EXOC4: variants seen among roughly 807,000 people sequenced by gnomAD.
The protein encoded by EXOC4 is SEC8-like 1.
A neutral mutation model predicts 107.2 loss-of-function variants in EXOC4; 71 were observed. The observed-to-expected ratio is 0.66, with a 90% CI of 0.55 to 0.81. The LOEUF is 0.81. EXOC4 is among the 30% of genes least tolerant of loss of function. The pLI is 0.00. For synonymous variants in EXOC4, 456 were observed against 441.2 expected, an observed-to-expected ratio of 1.03 and a Z score of -0.42; for missense variants, 1,108 against 1,189.6, an observed-to-expected ratio of 0.93 and a Z score of 1.01.
At chr7:134,033,197 A>C (rs1041337609) in intron 17 of EXOC4, among the ~76,000 whole-genome samples, 1 of 152,194 alleles carries the variant, frequency 6.6e-6, no homozygotes, top group Non-Finnish European at 1.5e-5. Context: ...AAAAAATGTC[A>C]GAGTGCCAAG....
chr7:133,679,155 T>C (rs10233241), intron 10 of EXOC4, among the ~76,000 whole-genome samples: 2,395 of 152,302 alleles, frequency 0.016, 69 homozygotes, highest in African/African-American at 0.054. Context: ...AAGTTTACAG[T>C]TGCTATTCAT....
intron 10 of EXOC4, among the ~76,000 whole-genome samples, chr7:133,777,562 T>G (rs1796372786): frequency 6.6e-6 from 1 of 152,158 alleles, no homozygotes; most frequent in Admixed American, 6.5e-5. Flanking sequence ...GACAGTGTTA[T>G]GATTATTGGT....
chr7:133,443,911 G>T (rs1333682747), intron 7 of EXOC4, among the ~76,000 whole-genome samples: 1 of 152,208 alleles, frequency 6.6e-6, no homozygotes, highest in Non-Finnish European at 1.5e-5. Flanking sequence ...AAAGCTTGGA[G>T]TGTGGCCTTT....
chr7:133,525,629 C>T (rs1173789330), intron 9 of EXOC4, among the ~76,000 whole-genome samples: 1 of 152,046 alleles, frequency 6.6e-6, no homozygotes, highest in East Asian at 1.9e-4. Context: ...AGGAAACCCA[C>T]TATATTGAAA....
At chr7:133,821,179 G>A (rs1201419795) in intron 11 of EXOC4, among the ~76,000 whole-genome samples, 1 of 152,186 alleles carries the variant, frequency 6.6e-6, no homozygotes, top group Non-Finnish European at 1.5e-5. Flanking sequence ...CATTTACTGT[G>A]AGTCAGACAC....
intron 2 of EXOC4, among the ~76,000 whole-genome samples, chr7:133,277,286 G>A (rs1794018636): frequency 6.6e-6 from 1 of 152,218 alleles, no homozygotes; most frequent in Non-Finnish European, 1.5e-5. Flanking sequence ...CTAAGCTCAA[G>A]AGGGGTCAAT....
intron 17 of EXOC4, among the ~76,000 whole-genome samples, chr7:134,022,137 C>G (rs924668598): frequency 3.3e-5 from 5 of 152,148 alleles, no homozygotes; most frequent in African/African-American, 1.2e-4. Flanking sequence ...TGTGGTAAAT[C>G]AGTCATTTGA....
intron 14 of EXOC4, among the ~76,000 whole-genome samples, chr7:133,945,457 G>C (rs559953959): frequency 2.0e-5 from 3 of 152,252 alleles, no homozygotes; most frequent in African/African-American, 7.2e-5. Context: ...ATGGAGATAC[G>C]GTACTTCGTG....
intron 7 of EXOC4, among the ~76,000 whole-genome samples, chr7:133,403,070 A>T (rs539184407): frequency 3.6e-4 from 54 of 151,302 alleles, no homozygotes; most frequent in African/African-American, 1.2e-3. Context: ...TTTGTACTAG[A>T]GACGGGGTTT....
chr7:133,340,760 T>G (rs1685569), intron 5 of EXOC4, among the ~76,000 whole-genome samples: 49,674 of 151,792 alleles, frequency 0.33, 10,124 homozygotes, highest in East Asian at 0.52. Context: ...CTAGGAGGGT[T>G]GTATATTTCC....
chr7:133,740,937 G>C (rs1795551115), intron 10 of EXOC4, among the ~76,000 whole-genome samples: 3 of 152,158 alleles, frequency 2.0e-5, no homozygotes, highest in Admixed American at 2.0e-4. Flanking sequence ...AGTGGTTTCT[G>C]TCTGTTACAG....
At chr7:133,292,355 A>G (rs1794427150) in intron 3 of EXOC4, among the ~76,000 whole-genome samples, 1 of 152,200 alleles carries the variant, frequency 6.6e-6, no homozygotes, top group African/African-American at 2.4e-5. Context: ...TCATTTATTA[A>G]AATCTTCATT....
At chr7:133,970,180 C>G (rs1563075290) in intron 14 of EXOC4, among the ~76,000 whole-genome samples, 2 of 152,022 alleles carry the variant, frequency 1.3e-5, no homozygotes, top group African/African-American at 2.4e-5. Flanking sequence ...TCAGAAATGG[C>G]AGACACCCCT....
intron 11 of EXOC4, 96 bp downstream of exon 11, chr7:133,817,640 C>T: frequency 1.2e-6 from 1 of 862,972 alleles, no homozygotes; most frequent in Non-Finnish European, 1.8e-6. Flanking sequence ...CATCTGTTTC[C>T]ATATTCATCA....
intron 10 of EXOC4, among the ~76,000 whole-genome samples, chr7:133,675,991 CTA>C (rs1794048162): frequency 6.6e-6 from 1 of 152,020 alleles, no homozygotes. Context: ...TGTCTCATCT[CTA>C]TGTGGCAATG....
intron 9 of EXOC4, among the ~76,000 whole-genome samples, chr7:133,572,953 G>T (rs1405043640): frequency 6.6e-6 from 1 of 152,136 alleles, no homozygotes; most frequent in Non-Finnish European, 1.5e-5. Flanking sequence ...TTGAATTTTT[G>T]AGTTAGACGT....
At chr7:133,402,881 A>ATTTTTTTTT (rs956173651) in intron 7 of EXOC4, among the ~76,000 whole-genome samples, 1 of 114,932 alleles carries the variant, frequency 8.7e-6, no homozygotes. Context: ...AGAGCCTAAT[A>ATTTTTTTTT]TTTTTTTTTT....
At chr7:133,751,451 C>A (rs892834639) in intron 10 of EXOC4, among the ~76,000 whole-genome samples, 30 of 152,238 alleles carry the variant, frequency 2.0e-4, no homozygotes, top group African/African-American at 7.2e-4. Context: ...TGCCTCCACC[C>A]AAAGTTGATT....
chr7:133,759,858 G>C (rs1268454185), intron 10 of EXOC4, among the ~76,000 whole-genome samples: 1 of 152,152 alleles, frequency 6.6e-6, no homozygotes, highest in Non-Finnish European at 1.5e-5. Flanking sequence ...AGATGGGAAG[G>C]CATTGGCCTA....
Sources: gnomAD v4.1 joint callset for allele counts (sites outside exome capture counted in the v4.1 genomes callset) on GRCh38, gnomAD v4.1.1 for gene constraint, MANE v1.5 for transcripts, NCBI Gene and HGNC (gene_info 2026-07-23, HGNC 2026-07-21) for gene names.